CPQ: variants seen among roughly 807,000 people sequenced by gnomAD.
The protein encoded by CPQ is Ser-Met dipeptidase.
A neutral mutation model predicts 45.7 loss-of-function variants in CPQ; 37 were observed. The observed-to-expected ratio is 0.81, with a 90% confidence interval of 0.62 to 1.07. CPQ has a LOEUF of 1.07. Ranked by LOEUF, CPQ falls within the 50% of genes least tolerant of loss-of-function variation. CPQ has a pLI of 0.00. For synonymous variants in CPQ, 186 were observed against 205.8 expected (o/e 0.90, Z 0.82); for missense variants, 537 against 572.9 (o/e 0.94, Z 0.64).
At chr8:96,762,888 G>A (rs1474580179) in intron 1 of CPQ, among the ~76,000 whole-genome samples, 1 of 152,136 alleles carries the variant, frequency 6.6e-6, no homozygotes, top group African/African-American at 2.4e-5. Context: ...ATGGTAAGAG[G>A]TGTGGTGTAT....
At chr8:96,944,667 AC>A (rs1453596530) in intron 4 of CPQ, among the ~76,000 whole-genome samples, 1 of 152,168 alleles carries the variant, frequency 6.6e-6, no homozygotes, top group African/African-American at 2.4e-5. Context: ...TGTTGAACAA[AC>A]GGCATTAATT....
At chr8:97,134,638 G>A (rs1373778621) in intron 7 of CPQ, among the ~76,000 whole-genome samples, 1 of 152,194 alleles carries the variant, frequency 6.6e-6, no homozygotes, top group African/African-American at 2.4e-5. Flanking sequence ...AATGAAGCAA[G>A]TCATGCAAAT....
intron 1 of CPQ, among the ~76,000 whole-genome samples, chr8:96,728,620 G>C (rs1809873028): frequency 6.6e-6 from 1 of 152,120 alleles, no homozygotes; most frequent in African/African-American, 2.4e-5. Flanking sequence ...CATTCTAAGG[G>C]TGGATATGGT....
At chr8:96,799,787 T>G (rs1023039943) in intron 2 of CPQ, among the ~76,000 whole-genome samples, 2 of 152,176 alleles carry the variant, frequency 1.3e-5, no homozygotes, top group African/African-American at 4.8e-5. Flanking sequence ...AGGTTCATCA[T>G]CTTGTCCAAG....
At chr8:96,730,628 G>C (rs1478080626) in intron 1 of CPQ, among the ~76,000 whole-genome samples, 1 of 151,772 alleles carries the variant, frequency 6.6e-6, no homozygotes, top group African/African-American at 2.4e-5. Context: ...TATTTTGGAA[G>C]ACTAAGTCAA....
chr8:97,019,892 G>A (rs1809646995), intron 5 of CPQ, among the ~76,000 whole-genome samples: 1 of 152,024 alleles, frequency 6.6e-6, no homozygotes, highest in South Asian at 2.1e-4. Flanking sequence ...GATATTTACA[G>A]AACATTCTAC....
chr8:97,121,939 T>A (rs1252149892), intron 7 of CPQ, among the ~76,000 whole-genome samples: 1 of 152,054 alleles, frequency 6.6e-6, no homozygotes, highest in Non-Finnish European at 1.5e-5. Flanking sequence ...AAGATAGTGA[T>A]AGAAGCAATT....
At chr8:97,007,515 C>A (rs1481507232) in intron 5 of CPQ, among the ~76,000 whole-genome samples, 2 of 152,100 alleles carry the variant, frequency 1.3e-5, no homozygotes, top group African/African-American at 2.4e-5. Context: ...ATTTGCACAC[C>A]AAAATGGGAG....
chr8:96,721,124 G>A (rs1399353057), intron 1 of CPQ, among the ~76,000 whole-genome samples: 1 of 152,028 alleles, frequency 6.6e-6, no homozygotes, highest in East Asian at 1.9e-4. Flanking sequence ...TGTACTTGCA[G>A]GGGGCTCCTA....
At chr8:96,965,802 T>A (rs1157916526) in intron 4 of CPQ, 133 bp from the exon 5 acceptor site, 1 of 559,520 alleles carries the variant, frequency 1.8e-6, no homozygotes, top group African/African-American at 1.9e-5. Context: ...TAATGACACA[T>A]ATCTTTAAAG....
chr8:97,066,316 C>T (rs536469851), intron 7 of CPQ, 106 bp downstream of exon 7: 40 of 993,268 alleles, frequency 4.0e-5, no homozygotes, highest in African/African-American at 3.3e-4. Context: ...AGGTTGTCCA[C>T]GGAAACCTTA....
At chr8:97,081,804 G>A (rs1183894839) in intron 7 of CPQ, among the ~76,000 whole-genome samples, 2 of 152,154 alleles carry the variant, frequency 1.3e-5, no homozygotes, top group Non-Finnish European at 2.9e-5. Context: ...AAGGAGCTGT[G>A]TAGAAATAGA....
intron 4 of CPQ, among the ~76,000 whole-genome samples, chr8:96,895,716 G>A (rs1480841366): frequency 6.6e-6 from 1 of 152,154 alleles, no homozygotes; most frequent in East Asian, 1.9e-4. Context: ...CTGTGGCCAT[G>A]TGCCCAAGTG....
chr8:97,098,388 C>T (rs1165538841), intron 7 of CPQ, among the ~76,000 whole-genome samples: 1 of 152,144 alleles, frequency 6.6e-6, no homozygotes, highest in Non-Finnish European at 1.5e-5. Flanking sequence ...TTCTCCAGTG[C>T]TTTTCCCCCT....
At chr8:97,071,800 C>G (rs1347523633) in intron 7 of CPQ, among the ~76,000 whole-genome samples, 2 of 152,138 alleles carry the variant, frequency 1.3e-5, no homozygotes, top group Non-Finnish European at 2.9e-5. Context: ...TTAAAAAGAA[C>G]TTTGCAGCAG....
At chr8:96,919,897 G>A (rs1256774602) in intron 4 of CPQ, among the ~76,000 whole-genome samples, 1 of 152,080 alleles carries the variant, frequency 6.6e-6, no homozygotes, top group Non-Finnish European at 1.5e-5. Context: ...ATGTACTCTG[G>A]AGTTATACAG....
At chr8:96,735,943 A>T (rs1356378632) in intron 1 of CPQ, among the ~76,000 whole-genome samples, 2 of 151,786 alleles carry the variant, frequency 1.3e-5, no homozygotes, top group Non-Finnish European at 2.9e-5. Context: ...TCCCTAAGGG[A>T]GGGTTGTTAT....
chr8:96,680,442 G>A lies in CPQ; in HGVS notation c.-35+35040G>A, dbSNP rs75948628. Reference sequence around the variant, plus strand: ...ATGGGATCTTATGGTTTTAAAAACAGGAGTTTCCCTACACAAGCTCTTTGC... The same window carrying A: ...ATGGGATCTTATGGTTTTAAAAACAAGAGTTTCCCTACACAAGCTCTTTGC... On this transcript the variant is annotated intron_variant, in intron 1 of 7. Transcript: ENST00000220763. 4.9e-3 allele frequency: 747 copies of A among 152,128 alleles called. 1 individual carries two copies. The highest frequency in any genetic ancestry group is 8.2e-3 in the Non-Finnish European group (558 of 68,008). The allele number at this position is 152,128 out of a possible 1,614,324, so 9.4% of individuals were successfully genotyped here.
At chr8:96,883,525 G>A (rs552288258) in intron 4 of CPQ, among the ~76,000 whole-genome samples, 2 of 152,280 alleles carry the variant, frequency 1.3e-5, no homozygotes, top group East Asian at 1.9e-4. Context: ...AGAAGTAACA[G>A]CATTACTTTC....
Sources: allele counts gnomAD v4.1 joint callset (sites outside exome capture counted in the v4.1 genomes callset), GRCh38; gene constraint gnomAD v4.1.1; transcripts MANE v1.5; gene names NCBI Gene and HGNC (gene_info 2026-07-23, HGNC 2026-07-21).